The following GRHL2 variants were observed in gnomAD, a reference collection of about 807,000 sequenced individuals.
GRHL2 encodes grainyhead like transcription factor 2, also known as grainyhead-like protein 2 homolog.
In GRHL2, 21 loss-of-function variants were observed where a neutral mutation model predicts 83.8. The observed-to-expected ratio is 0.25, with a 90% CI of 0.18 to 0.36. GRHL2 has a LOEUF of 0.36. GRHL2 is among the 10% of genes least tolerant of loss of function. The pLI is 1.00. For synonymous variants in GRHL2, 280 were observed against 278.9 expected (o/e 1.00, Z -0.04); for missense variants, 623 against 781.8 (o/e 0.80, Z 2.42).
At chr8:101,563,722 TTTTTTTTG>T (rs1179075256) in intron 4 of GRHL2, among the ~76,000 whole-genome samples, 1 of 152,048 alleles carries the variant, frequency 6.6e-6, no homozygotes, top group East Asian at 1.9e-4. Context: ...TTTTTTTTGT[TTTTTTTTG>T]TTTTTTTGTT....
Position 101,619,707 on chromosome 8 carries a change from G to T in GRHL2, c.1257+10G>T. 6.2e-7 allele frequency: 1 copy of T among 1,604,618 alleles called. No individual in the cohort carries two copies. Among genetic ancestry groups the T allele is most frequent in the Non-Finnish European group, 8.5e-7 (1 of 1,171,748 alleles). On this transcript the variant is annotated intron_variant, in intron 9 of 15. Coordinates refer to ENST00000646743, the MANE Select transcript of GRHL2 (RefSeq NM_024915.4). ...GGTCTTCTGTGACAAAGTGAGTAAA[G>T]ATGACAGTTTTTTATAAAGGTATCT...
intron 7 of GRHL2, among the ~76,000 whole-genome samples, chr8:101,582,847 G>A (rs1208063331): frequency 6.6e-6 from 1 of 152,148 alleles, no homozygotes; most frequent in African/African-American, 2.4e-5. Context: ...ATATTCAAGT[G>A]TGTGTGTGTA....
At chr8:101,526,694 G>T (rs1234140991) in intron 1 of GRHL2, among the ~76,000 whole-genome samples, 7 of 151,548 alleles carry the variant, frequency 4.6e-5, no homozygotes. Context: ...CATTCTTTCA[G>T]GTAAAAATGG....
chr8:101,545,466 A>T (rs1023445088), intron 2 of GRHL2, among the ~76,000 whole-genome samples: 16 of 151,106 alleles, frequency 1.1e-4, no homozygotes, highest in African/African-American at 3.2e-4. Flanking sequence ...AAAAAAAAAA[A>T]AAAAAAGTCT....
intron 11 of GRHL2, 90 bp downstream of exon 11, chr8:101,632,455 A>C: frequency 1.2e-5 from 18 of 1,465,266 alleles, no homozygotes; most frequent in Non-Finnish European, 1.6e-5. Flanking sequence ...TGTTGACCTC[A>C]AAAATAACTT....
chr8:101,674,512 A>G (rs1045560778), downstream of GRHL2, among the ~76,000 whole-genome samples: 35 of 152,198 alleles, frequency 2.3e-4, no homozygotes, highest in African/African-American at 8.2e-4. Flanking sequence ...AACCAGGAAG[A>G]AGTTGAATCT....
intron 1 of GRHL2, among the ~76,000 whole-genome samples, chr8:101,532,123 A>C (rs967491450): frequency 2.6e-5 from 4 of 152,234 alleles, no homozygotes; most frequent in Non-Finnish European, 4.4e-5. Flanking sequence ...TGCCTCTAGC[A>C]AGCACTAAAA....
rs1216682447 is a variant in GRHL2 at position 101,492,470 on chromosome 8, C to T, written c.-300C>T. 1 of 537,720 alleles carries T rather than the reference C, an allele frequency of 1.9e-6. No homozygotes were observed. The highest frequency in any genetic ancestry group is 3.2e-5 in the East Asian group (1 of 31,138). 33.3% of individuals were successfully genotyped at this position (537,720 alleles called of 1,614,324 possible). On this transcript the variant is annotated 5_prime_UTR_variant, in exon 1 of 16. Transcript: ENST00000646743. The stretch of plus-strand genomic sequence containing the variant: ...GTTACCTGTGGCCGCCCAAGTCCGC[C>T]ACTTTCTGCTCTGTGTCTGCCCATT...
intron 2 of GRHL2, among the ~76,000 whole-genome samples, chr8:101,544,728 T>C (rs1055077102): frequency 3.3e-5 from 5 of 152,176 alleles, no homozygotes; most frequent in Non-Finnish European, 5.9e-5. Context: ...TCTCCCTCCA[T>C]CATGGAAAAA....
intron 1 of GRHL2, among the ~76,000 whole-genome samples, chr8:101,510,306 A>AT (rs544225580): frequency 2.4e-4 from 37 of 152,196 alleles, no homozygotes; most frequent in Non-Finnish European, 4.7e-4. Context: ...CATATTTTTA[A>AT]TTTTTTGCAA....
At chr8:101,617,482 A>G (rs1375574841) in intron 8 of GRHL2, among the ~76,000 whole-genome samples, 1 of 152,162 alleles carries the variant, frequency 6.6e-6, no homozygotes, top group Non-Finnish European at 1.5e-5. Flanking sequence ...TAGTAGTTAA[A>G]TCAAAAATTC....
intron 1 of GRHL2, among the ~76,000 whole-genome samples, chr8:101,522,323 T>C (rs60649445): frequency 0.025 from 3,859 of 152,136 alleles, 177 homozygotes; most frequent in African/African-American, 0.087. Flanking sequence ...GAAAACAATA[T>C]AACAACTATT....
intron 12 of GRHL2, among the ~76,000 whole-genome samples, chr8:101,637,161 C>T (rs921421264): frequency 6.6e-6 from 1 of 152,152 alleles, no homozygotes; most frequent in Non-Finnish European, 1.5e-5. Context: ...TCCCTAAGAC[C>T]CACCCCTTTG....
At chr8:101,549,781 G>A (rs1811340944) in intron 2 of GRHL2, among the ~76,000 whole-genome samples, 1 of 152,032 alleles carries the variant, frequency 6.6e-6, no homozygotes, top group Non-Finnish European at 1.5e-5. Flanking sequence ...CAGCCCTGGT[G>A]GCTAGAAAGC....
At chr8:101,616,963 C>T (rs1812869430) in intron 8 of GRHL2, among the ~76,000 whole-genome samples, 1 of 152,176 alleles carries the variant, frequency 6.6e-6, no homozygotes, top group East Asian at 1.9e-4. Flanking sequence ...AGACACACAT[C>T]ATGATGTTAT....
At chr8:101,600,603 G>A (rs1812489776) in intron 8 of GRHL2, among the ~76,000 whole-genome samples, 1 of 152,226 alleles carries the variant, frequency 6.6e-6, no homozygotes, top group South Asian at 2.1e-4. Flanking sequence ...TGACGGCACA[G>A]GACTAGGATG....
At chr8:101,676,311 T>C in the GRHL2 span, among the ~76,000 whole-genome samples, 3 of 151,770 alleles carry the variant, frequency 2.0e-5, no homozygotes, top group Non-Finnish European at 4.4e-5. Context: ...AACCTACTCA[T>C]CTGACAAAGG....
intron 2 of GRHL2, among the ~76,000 whole-genome samples, chr8:101,546,564 G>A (rs1351013374): frequency 8.6e-5 from 13 of 151,836 alleles, no homozygotes; most frequent in African/African-American, 2.9e-4. Context: ...ATGCATCACC[G>A]CAACCGGCTA....
intron 1 of GRHL2, among the ~76,000 whole-genome samples, chr8:101,519,555 C>G (rs1403260979): frequency 1.4e-5 from 2 of 146,918 alleles, no homozygotes. Context: ...CCACCATGAC[C>G]AGCTTTTTTT....
Sources: gnomAD v4.1 joint callset for allele counts (sites outside exome capture counted in the v4.1 genomes callset) on GRCh38, gnomAD v4.1.1 for gene constraint, MANE v1.5 for transcripts, NCBI Gene and HGNC (gene_info 2026-07-23, HGNC 2026-07-21) for gene names.